Variants in LLGL2 observed in about 807,000 individuals in gnomAD.
LLGL2 encodes LLGL scribble cell polarity complex component 2.
A neutral mutation model predicts 123.2 loss-of-function variants in LLGL2; 81 were observed. The ratio of observed to expected loss-of-function variants is 0.66; its 90% CI spans 0.55 to 0.79. The LOEUF is 0.79. Ranked by LOEUF, LLGL2 falls within the 30% of genes least tolerant of loss-of-function variation. The probability of loss-of-function intolerance (pLI) is 0.00; values close to 1 mark genes in which losing one functional copy is unlikely to be tolerated. For synonymous variants in LLGL2, 577 were observed against 594.1 expected (o/e 0.97, Z 0.42); for missense variants, 1,273 against 1,414.6 (o/e 0.90, Z 1.61).
At position 75,569,210 on chromosome 17, in the gene LLGL2, C is replaced by A; in HGVS notation, c.1477-11C>A. On this transcript the variant is annotated splice_polypyrimidine_tract_variant and intron_variant, in intron 13 of 25. Transcript: ENST00000392550. ...CCCGTGGCTGCTCACAGGGCCCCTC[C>A]CCTTCTCCAGGTGGGCTCCTTTGAC... The A allele has an allele frequency of 6.2e-7, 1 of 1,613,038 alleles. No homozygotes were observed. Among genetic ancestry groups the A allele is most frequent in the Non-Finnish European group, 8.5e-7 (1 of 1,179,616 alleles).
At chr17:75,551,003 A>G (rs2054648437) in intron 2 of LLGL2, among the ~76,000 whole-genome samples, 1 of 152,026 alleles carries the variant, frequency 6.6e-6, no homozygotes, top group African/African-American at 2.4e-5. Context: ...TGGGCTTCTC[A>G]TAACTAACCT....
chr17:75,529,205 T>C (rs992707620), intron 1 of LLGL2, among the ~76,000 whole-genome samples: 1 of 152,040 alleles, frequency 6.6e-6, no homozygotes, highest in African/African-American at 2.4e-5. Flanking sequence ...TCCTTTTCTT[T>C]TTTTTTCTTT....
intron 2 of LLGL2, among the ~76,000 whole-genome samples, chr17:75,554,678 G>T (rs933076497): frequency 6.6e-6 from 1 of 151,614 alleles, no homozygotes; most frequent in Non-Finnish European, 1.5e-5. Context: ...GGCCAAGATG[G>T]GCGGATCGAG....
intron 1 of LLGL2, among the ~76,000 whole-genome samples, chr17:75,526,640 C>T (rs1466862433): frequency 6.6e-6 from 1 of 152,064 alleles, no homozygotes; most frequent in African/African-American, 2.4e-5. Context: ...CGCCCCTTCC[C>T]CTGGGGATCC....
At chr17:75,543,370 C>A in intron 1 of LLGL2, 27 bp from the exon 2 acceptor site, 1 of 1,522,696 alleles carries the variant, frequency 6.6e-7, no homozygotes, top group South Asian at 1.2e-5. Flanking sequence ...CCAGGACAGA[C>A]CCCTGCAGCT....
rs546085461 is a variant in LLGL2 at position 75,549,644 on chromosome 17, G to T, written c.75+6143G>T. 1.4e-4 allele frequency among the ~76,000 whole-genome samples: 22 copies of T among 152,344 alleles called. No individual in the cohort carries two copies. Among genetic ancestry groups the T allele is most frequent in the African/African-American group, 4.6e-4 (19 of 41,566 alleles). On this transcript the variant is annotated intron_variant, in intron 2 of 25. Transcript: ENST00000392550. The surrounding 1 kb of genome is among the most constrained non-coding windows in gnomAD (Gnocchi z 4.0). ...GAGCTGGCCACACCCAGCCAGTATC[G>T]GGCAGAGTGGCCCGGCCAGGCAGGA... is the stretch of plus-strand genomic sequence containing the variant.
Position 75,574,624 on chromosome 17 carries a change from G to T in LLGL2, c.3011G>T (p.Arg1004Leu), listed in dbSNP as rs567381074. 1 of 1,612,244 alleles carries T rather than the reference G, an allele frequency of 6.2e-7. No homozygotes were observed. Among genetic ancestry groups the T allele is most frequent in the East Asian group, 2.2e-5 (1 of 44,852 alleles). ...TGCCTGTGCAGGAGCGGCAACTGGC[G>T]TTCACATCGAGCCGCCGTGGGGTGC... is the stretch of plus-strand genomic sequence containing the variant. ...LEGDRGSGNW[R>L]SHRAAVGCSL... The change falls in exon 25 of 26, where the codon CGT becomes CTT. Residue 1004 changes from arginine (R) to leucine (L), a missense_variant. Transcript: ENST00000392550.
In LLGL2 at chr17:75,574,651, G is replaced by C. The variant is rs202123899; in HGVS notation, c.3038G>C (p.Ser1013Thr). The C allele has an allele frequency of 6.2e-7, 1 of 1,611,934 alleles. No homozygotes were observed. The highest frequency in any genetic ancestry group is 8.5e-7 in the Non-Finnish European group (1 of 1,179,590). Residue 1013 changes from serine (S) to threonine (T), a missense_variant, in exon 25 of 26, where the codon AGC becomes ACC. Coordinates refer to ENST00000392550, the MANE Select transcript of LLGL2 (RefSeq NM_001031803.2). ...WRSHRAAVGC[S>T]LSNGGAE ...TCACATCGAGCCGCCGTGGGGTGCA[G>C]CCTCAGCAATGGCGGAGGTGGGGGC...
In LLGL2 at chr17:75,569,266, C is replaced by T. The variant is rs1210068661; in HGVS notation, c.1522C>T (p.Gln508Ter). Residue 508 changes from glutamine to a stop codon, truncating the protein, a stop_gained, in exon 14 of 26, where the codon CAG becomes TAG. Coordinates refer to ENST00000392550, the MANE Select transcript of LLGL2 (RefSeq NM_001031803.2). LOFTEE classifies it high-confidence loss of function. ...PYSDDPRLGI[Q>*]KIFLCKYSGY... ...CAGTGATGACCCCCGGCTGGGCATC[C>T]AGAAGATCTTCCTCTGCAAGTACAG... 6.2e-7 allele frequency: 1 copy of T among 1,613,460 alleles called. No homozygotes were observed. Among genetic ancestry groups the T allele is most frequent in the Admixed American group, 1.7e-5 (1 of 60,002 alleles).
rs370595794 is a variant in LLGL2, at chr17:75,570,267, C to T, written c.1874+12C>T. On this transcript the variant is annotated intron_variant, in intron 15 of 25. Transcript: ENST00000392550. ...CAGGTCTTTGTTAAGTGAGCAGGGG[C>T]GGCTGGGTCCCGGGGCTGGGAGTGG... is the stretch of plus-strand genomic sequence containing the variant. 4.3e-5 allele frequency: 69 copies of T among 1,597,906 alleles called. No individual in the cohort carries two copies. Among genetic ancestry groups the T allele is most frequent in the Non-Finnish European group, 5.6e-5 (66 of 1,171,802 alleles).
At position 75,559,435 on chromosome 17, in the gene LLGL2, T is replaced by A; in HGVS notation, c.530+25T>A. On this transcript the variant is annotated intron_variant, in intron 6 of 25. Coordinates refer to ENST00000392550, the MANE Select transcript of LLGL2 (RefSeq NM_001031803.2). The surrounding 1 kb of genome is among the most constrained non-coding windows in gnomAD (Gnocchi z 4.6). ...GGTGAGCCCAGAGCCCAGCTGCTGT[T>A]AACTCCATCCCCTCAAGTTAGGCAT... The A allele has an allele frequency of 6.3e-7, 1 of 1,578,794 alleles. No homozygotes were observed.
At chr17:75,532,055 T>TACACACACACACACACACACACAC (rs10526094) in intron 1 of LLGL2, among the ~76,000 whole-genome samples, 8 of 93,768 alleles carry the variant, frequency 8.5e-5, no homozygotes, top group African/African-American at 2.5e-4. Context: ...TATGTATATA[T>TACACACACACACACACACACACAC]ACACACACAC....
At position 75,570,239 on chromosome 17, in the gene LLGL2, C is replaced by T. The variant is rs770573752; in HGVS notation, c.1858C>T (p.Arg620Trp). The stretch of plus-strand genomic sequence containing the variant: ...TGGCCTCTTTGACCACCAGCAGCGG[C>T]GGCAGGTCTTTGTTAAGTGAGCAGG... ...GFGLFDHQQR[R>W]QVFVKCTLHP... The change falls in exon 15 of 26, where the codon CGG (arginine) becomes TGG (tryptophan). Residue 620 changes from arginine (R) to tryptophan (W), a missense_variant. Arg to Trp is a moderately radical substitution (Grantham distance 101). Coordinates refer to ENST00000392550, the MANE Select transcript of LLGL2 (RefSeq NM_001031803.2). The T allele has an allele frequency of 1.1e-5, 17 of 1,601,102 alleles. No individual in the cohort carries two copies. The highest frequency in any genetic ancestry group is 1.7e-4 in the Middle Eastern group (1 of 6,008).
chr17:75,573,656 T>TACCCCCCCC, intron 21 of LLGL2, 25 bp downstream of exon 21: 1 of 1,429,148 alleles, frequency 7.0e-7, no homozygotes, highest in Non-Finnish European at 9.3e-7. Context: ...CAGAGGCCTC[T>TACCCCCCCC]CCCGCCCCTC....
rs147270979 is a variant in LLGL2 at position 75,570,025 on chromosome 17, C to T, written c.1644C>T (p.Asp548=). 77 of 1,612,040 alleles carry T rather than the reference C, an allele frequency of 4.8e-5. 1 individual carries two copies. In the African/African-American group the frequency reaches 9.3e-4, roughly 20 times the overall value. ...AGGCTGTGGAGCAGGTGGAGGCCGA[C>T]CTGCTGCAGGACCAAGAGGGCTACC... is the stretch of plus-strand genomic sequence containing the variant. ...AEQAVEQVEA[D]LLQDQEGYRW... The change falls in exon 15 of 26, where the codon GAC becomes GAT. Residue 548 remains aspartate, a synonymous_variant. Transcript: ENST00000392550.
Position 75,562,428 on chromosome 17 carries a change from C to A in LLGL2, c.531-588C>A, listed in dbSNP as rs78343781. ...CCTAGTCAAGGCTCCCTCTTGCCCC[C>A]ACATTGACTTTTCCAGAAGTCACTG... is the stretch of plus-strand genomic sequence containing the variant. On this transcript the variant is annotated intron_variant, in intron 6 of 25. Transcript: ENST00000392550. 6.4e-3 allele frequency: 1,003 copies of A among 156,142 alleles called. 16 individuals are homozygous for A. The highest frequency in any genetic ancestry group is 0.023 in the African/African-American group (965 of 41,596). 9.7% of individuals were successfully genotyped at this position (156,142 alleles called of 1,614,324 possible).
Position 75,563,016 on chromosome 17 carries a change from G to C in LLGL2, c.531G>C (p.Arg177=). ...GGCTCACGGCACTCCCCTCGCCCAG[G>C]TTGCCAGAGGAGGCCCGCCACCGGC... ...RTISSDAVLQ[R]LPEEARHRRV... Residue 177 remains arginine, a splice_region_variant and synonymous_variant, in exon 7 of 26, where the codon CGG becomes CGC. Transcript: ENST00000392550. 6.2e-7 allele frequency: 1 copy of C among 1,611,672 alleles called. No individual in the cohort carries two copies.
chr17:75,568,732 A>G (rs755452752), intron 11 of LLGL2, 39 bp downstream of exon 11: 136 of 1,612,734 alleles, frequency 8.4e-5, no homozygotes, highest in Non-Finnish European at 1.1e-4. Context: ...CCCCACCGCA[A>G]GCCAAACTCT....
At position 75,574,470 on chromosome 17, in the gene LLGL2, C is replaced by G; in HGVS notation, c.2971C>G (p.Gln991Glu). The change falls in exon 24 of 26, where the codon CAG becomes GAG. Residue 991 changes from glutamine to glutamate, a missense_variant. Gln to Glu is a conservative substitution (Grantham distance 29). Coordinates refer to ENST00000392550, the MANE Select transcript of LLGL2 (RefSeq NM_001031803.2). ...LSDERVLKEI[Q>E]STLEGDRGSG... ...GCCTGCAGGAGTCCTGAAGGAAATCCAGAGCACACTGGAGGGAGACCGCGG... is the reference window on the plus strand; with the variant it reads ...GCCTGCAGGAGTCCTGAAGGAAATCGAGAGCACACTGGAGGGAGACCGCGG... 4 of 1,553,252 alleles carry G rather than the reference C, an allele frequency of 2.6e-6. No individual in the cohort carries two copies. The highest frequency in any genetic ancestry group is 3.5e-6 in the Non-Finnish European group (4 of 1,149,664).
Sources: allele counts gnomAD v4.1 joint callset (sites outside exome capture counted in the v4.1 genomes callset), GRCh38; gene constraint gnomAD v4.1.1; non-coding constraint Gnocchi (gnomAD v3.1); transcripts MANE v1.5; gene names NCBI Gene and HGNC (gene_info 2026-07-23, HGNC 2026-07-21).